The following KCNH1 variants were observed in gnomAD, a reference collection of about 807,000 sequenced individuals.
The protein encoded by KCNH1 is potassium voltage-gated channel subfamily H member 1.
Under a neutral mutation model 69.2 loss-of-function variants are expected in KCNH1, and 27 were observed. The observed-to-expected ratio is 0.39, with a 90% CI of 0.29 to 0.54. The LOEUF is 0.54. Ranked by LOEUF, KCNH1 falls within the 20% of genes least tolerant of loss-of-function variation. KCNH1 has a pLI of 0.68. For synonymous variants in KCNH1, 456 were observed against 487.7 expected, an observed-to-expected ratio of 0.93 and a Z score of 0.86; for missense variants, 798 against 1,261.6, an observed-to-expected ratio of 0.63 and a Z score of 5.57.
At chr1:210,716,451 ATGTTAC>A (rs1558436848) in intron 10 of KCNH1, among the ~76,000 whole-genome samples, 16 of 144,490 alleles carry the variant, frequency 1.1e-4, no homozygotes, top group African/African-American at 3.9e-4. Context: ...AAAAAAAAGC[ATGTTAC>A]ACAACCATCT....
intron 7 of KCNH1, among the ~76,000 whole-genome samples, chr1:210,854,239 C>T (rs1194418601): frequency 6.6e-6 from 1 of 152,076 alleles, no homozygotes; most frequent in Non-Finnish European, 1.5e-5. Context: ...ATTATCAAGT[C>T]ATAATGAATA....
At chr1:210,956,723 G>A (rs1688184464) in intron 6 of KCNH1, among the ~76,000 whole-genome samples, 1 of 152,084 alleles carries the variant, frequency 6.6e-6, no homozygotes, top group Admixed American at 6.6e-5. Flanking sequence ...AGTATTCTCT[G>A]ATGGTAGTTT....
At chr1:211,131,778 T>G (rs957777684) in intron 1 of KCNH1, among the ~76,000 whole-genome samples, 2 of 152,232 alleles carry the variant, frequency 1.3e-5, no homozygotes, top group African/African-American at 4.8e-5. Flanking sequence ...GAGAACCATT[T>G]ATTCTGAAAT....
At chr1:210,917,225 G>C (rs200433971) in intron 7 of KCNH1, among the ~76,000 whole-genome samples, 12 of 80,596 alleles carry the variant, frequency 1.5e-4, no homozygotes, top group African/African-American at 5.4e-4. Context: ...GAGAGAGAGA[G>C]AGAGAGAAAG....
intron 7 of KCNH1, among the ~76,000 whole-genome samples, chr1:210,848,331 A>C (rs533831498): frequency 6.6e-6 from 1 of 152,180 alleles, no homozygotes; most frequent in Non-Finnish European, 1.5e-5. Context: ...CATTTCTCTT[A>C]CTGACTGGTT....
At chr1:211,007,228 C>A (rs1402143050) in intron 6 of KCNH1, among the ~76,000 whole-genome samples, 1 of 152,106 alleles carries the variant, frequency 6.6e-6, no homozygotes, top group Non-Finnish European at 1.5e-5. Flanking sequence ...TTTATAGACT[C>A]CAGAGCTAAA....
At chr1:210,873,411 G>A (rs1021633786) in intron 7 of KCNH1, among the ~76,000 whole-genome samples, 1 of 152,118 alleles carries the variant, frequency 6.6e-6, no homozygotes, top group Non-Finnish European at 1.5e-5. Context: ...TCAGTAGGGC[G>A]ATTATAGCTT....
chr1:210,915,132 C>T (rs12028941), intron 7 of KCNH1, among the ~76,000 whole-genome samples: 13,819 of 152,218 alleles, frequency 0.091, 969 homozygotes, highest in East Asian at 0.37. Flanking sequence ...CTTCCCCTGA[C>T]AATTCTTCTT....
In KCNH1 at chr1:210,832,921, T is replaced by TATATATAC. The variant is rs10693882; in HGVS notation, c.1463-28756_1463-28755insGTATATAT. Among the ~76,000 whole-genome samples the TATATATAC allele has an allele frequency of 9.8e-3, 1,409 of 144,182 alleles. 27 individuals carry two copies. The highest frequency in any genetic ancestry group is 0.027 in the African/African-American group (1,074 of 40,170). The allele number at this position is 144,182 out of a possible 152,430, so 94.6% of individuals were successfully genotyped here. On this transcript the variant is annotated intron_variant, in intron 7 of 10. Coordinates refer to ENST00000271751, the MANE Select transcript of KCNH1 (RefSeq NM_172362.3). ...TTTCTCAAATACATATATATATATATACATATAAATTGAATTTGAGGAAGT... is the reference window on the plus strand; with the variant it reads ...TTTCTCAAATACATATATATATATATATATATACACATATAAATTGAATTTGAGGAAGT...
intron 5 of KCNH1, among the ~76,000 whole-genome samples, chr1:211,041,694 T>C (rs573187386): frequency 2.0e-5 from 3 of 152,140 alleles, no homozygotes; most frequent in Admixed American, 2.0e-4. Flanking sequence ...ATCCCCTGCC[T>C]ATCTTTCCTA....
chr1:211,033,180 AT>A (rs1689824503), intron 5 of KCNH1, among the ~76,000 whole-genome samples: 1 of 152,252 alleles, frequency 6.6e-6, no homozygotes, highest in Admixed American at 6.5e-5. Flanking sequence ...ATCACTGGCC[AT>A]TGGAGAAATG....
intron 1 of KCNH1, among the ~76,000 whole-genome samples, chr1:211,118,830 A>C (rs1280055239): frequency 3.3e-5 from 5 of 152,238 alleles, no homozygotes; most frequent in Non-Finnish European, 7.3e-5. Flanking sequence ...AAACTAACTG[A>C]AGCAATGACT....
chr1:210,984,490 T>C (rs183245775), intron 6 of KCNH1, among the ~76,000 whole-genome samples: 5 of 152,358 alleles, frequency 3.3e-5, no homozygotes, highest in Admixed American at 2.6e-4. Flanking sequence ...TGAAGCGTTG[T>C]TGAATTTTGT....
chr1:211,028,333 A>G (rs749800033), intron 5 of KCNH1, among the ~76,000 whole-genome samples: 17 of 152,096 alleles, frequency 1.1e-4, no homozygotes, highest in Non-Finnish European at 2.5e-4. Flanking sequence ...GGAAATGTTT[A>G]TCACTAAATG....
chr1:211,057,433 C>T (rs1172784523), intron 5 of KCNH1, among the ~76,000 whole-genome samples: 1 of 151,898 alleles, frequency 6.6e-6, no homozygotes, highest in Admixed American at 6.6e-5. Context: ...CCCAGGAGTT[C>T]GAGACCAGCC....
intron 7 of KCNH1, among the ~76,000 whole-genome samples, chr1:210,821,528 C>T (rs192789079): frequency 1.6e-3 from 238 of 152,138 alleles, no homozygotes; most frequent in Non-Finnish European, 2.8e-3. Flanking sequence ...AGTTTGGCCA[C>T]GATCATCTTG....
At chr1:210,968,094 A>T (rs1688443237) in intron 6 of KCNH1, among the ~76,000 whole-genome samples, 1 of 146,734 alleles carries the variant, frequency 6.8e-6, no homozygotes, top group South Asian at 2.2e-4. Context: ...TTCAGTTCCC[A>T]CCTATGAGTG....
chr1:211,056,635 T>C (rs538485978), intron 5 of KCNH1, among the ~76,000 whole-genome samples: 1 of 152,196 alleles, frequency 6.6e-6, no homozygotes, highest in African/African-American at 2.4e-5. Context: ...AGTATCAGTG[T>C]TGGTGGCCAC....
intron 7 of KCNH1, among the ~76,000 whole-genome samples, chr1:210,824,191 G>A (rs1393383153): frequency 6.6e-6 from 1 of 151,724 alleles, no homozygotes; most frequent in Non-Finnish European, 1.5e-5. Context: ...CAAATTTATT[G>A]GTCTTAGGAC....
Sources: allele counts gnomAD v4.1 joint callset (sites outside exome capture counted in the v4.1 genomes callset), GRCh38; gene constraint gnomAD v4.1.1; transcripts MANE v1.5; gene names NCBI Gene and HGNC (gene_info 2026-07-23, HGNC 2026-07-21).